The following DCC variants were observed in gnomAD, a reference collection of about 807,000 sequenced individuals.
DCC encodes DCC netrin 1 receptor.
A neutral mutation model predicts 172.5 loss-of-function variants in DCC; 58 were observed. The ratio of observed to expected loss-of-function variants is 0.34; its 90% CI spans 0.27 to 0.42. DCC has a LOEUF of 0.42. Among genes scored for constraint, DCC ranks in the 10% least tolerant of loss-of-function variants. The pLI, the probability that DCC is intolerant of heterozygous loss-of-function variation, is 1.00. For synonymous variants in DCC, 709 were observed against 644.5 expected (o/e 1.10, Z -1.52); for missense variants, 1,740 against 1,791.0 (o/e 0.97, Z 0.51).
At chr18:52,918,737 A>G (rs1414136995) in intron 3 of DCC, among the ~76,000 whole-genome samples, 1 of 152,152 alleles carries the variant, frequency 6.6e-6, no homozygotes, top group Non-Finnish European at 1.5e-5. Context: ...CTCATATTGT[A>G]AATAAAGGAG....
intron 1 of DCC, among the ~76,000 whole-genome samples, chr18:52,450,037 G>A (rs2144514138): frequency 6.6e-6 from 1 of 152,244 alleles, no homozygotes; most frequent in African/African-American, 2.4e-5. Context: ...TTTAACTGAA[G>A]GGTTAATTTA....
chr18:53,039,811 T>C (rs2143992136), intron 5 of DCC, among the ~76,000 whole-genome samples: 1 of 152,088 alleles, frequency 6.6e-6, no homozygotes, highest in East Asian at 1.9e-4. Context: ...TCCTTCATGT[T>C]TTAATGTAGT....
chr18:53,169,066 G>C (rs2054970779), intron 8 of DCC, among the ~76,000 whole-genome samples: 1 of 152,180 alleles, frequency 6.6e-6, no homozygotes, highest in African/African-American at 2.4e-5. Flanking sequence ...ACCAGTTCTA[G>C]GCACAGGAGA....
At chr18:53,062,713 T>C (rs4129439) in intron 5 of DCC, among the ~76,000 whole-genome samples, 49,552 of 151,990 alleles carry the variant, frequency 0.33, 8,984 homozygotes, top group Non-Finnish European at 0.42. Context: ...CATGCCATGC[T>C]GTGAAAATTA....
At chr18:53,231,441 T>C (rs931924561) in intron 12 of DCC, among the ~76,000 whole-genome samples, 3 of 152,054 alleles carry the variant, frequency 2.0e-5, no homozygotes, top group Admixed American at 6.6e-5. Context: ...ATGTGTAAAA[T>C]AGATAATAAA....
rs1292726340 is a variant in DCC at position 53,439,769 on chromosome 18, C to CT, written c.3229+4573dup. ...TATGTGGTGATGTAGTAGTATTTTT[C>CT]TTTTTTTTTTTTTGAGACGGAGTCT... On this transcript the variant is annotated intron_variant, in intron 22 of 28. Transcript: ENST00000442544. Among the ~76,000 whole-genome samples the CT allele has an allele frequency of 7.0e-3, 892 of 127,224 alleles. 19 individuals are homozygous for CT. Among genetic ancestry groups the CT allele is most frequent in the African/African-American group, 0.019 (726 of 37,530 alleles). The allele number at this position is 127,224 out of a possible 152,430, so 83.5% of individuals were successfully genotyped here. A position where few individuals can be genotyped will look rare whatever the true frequency, so the allele number is the denominator to read the frequency against.
intron 1 of DCC, among the ~76,000 whole-genome samples, chr18:52,598,387 A>T (rs56240824): frequency 0.02 from 3,010 of 152,288 alleles, 102 homozygotes; most frequent in East Asian, 0.089. Flanking sequence ...CAAAAAAGGA[A>T]TGAGGTAGGT....
intron 12 of DCC, among the ~76,000 whole-genome samples, chr18:53,293,669 T>G (rs1598991672): frequency 6.6e-6 from 1 of 152,110 alleles, no homozygotes; most frequent in African/African-American, 2.4e-5. Flanking sequence ...CCTCCCTTTT[T>G]GTGTCCAAGG....
chr18:52,693,563 G>C (rs1206172409), intron 1 of DCC, among the ~76,000 whole-genome samples: 4 of 151,466 alleles, frequency 2.6e-5, no homozygotes, highest in Non-Finnish European at 5.9e-5. Flanking sequence ...TGATGTTCCA[G>C]TAGCAACAAG....
intron 2 of DCC, among the ~76,000 whole-genome samples, chr18:52,856,218 C>T (rs913184873): frequency 2.6e-5 from 4 of 152,074 alleles, no homozygotes; most frequent in Admixed American, 6.6e-5. Flanking sequence ...AATTTAAATA[C>T]GTGTGTGTAT....
In DCC at chr18:53,431,419, A is replaced by G. The variant is rs570972843; in HGVS notation, c.3164-3725A>G. Among the ~76,000 whole-genome samples, 3 of 152,182 alleles carry G rather than the reference A, an allele frequency of 2.0e-5. No homozygotes were observed. The South Asian group carries it at 6.2e-4, about 32-fold the overall frequency. ...ATATGGGTACATAGTAATCCAATAC[A>G]GAATTCTTCTTTATATCCTGTAGAA... On this transcript the variant is annotated intron_variant, in intron 21 of 28. Transcript: ENST00000442544.
intron 1 of DCC, among the ~76,000 whole-genome samples, chr18:52,496,445 A>G (rs1230857370): frequency 2.0e-5 from 3 of 152,184 alleles, no homozygotes; most frequent in Non-Finnish European, 4.4e-5. Flanking sequence ...AAACATCAGA[A>G]AAGTTATTCA....
chr18:53,239,562 G>A (rs759965379), intron 12 of DCC, among the ~76,000 whole-genome samples: 3 of 152,144 alleles, frequency 2.0e-5, no homozygotes, highest in Admixed American at 6.6e-5. Context: ...CCAGAGAAAG[G>A]TGCACAGGGG....
At chr18:53,282,118 T>A (rs1457076214) in intron 12 of DCC, among the ~76,000 whole-genome samples, 1 of 152,202 alleles carries the variant, frequency 6.6e-6, no homozygotes, top group Non-Finnish European at 1.5e-5. Context: ...CATATGTAAT[T>A]CACATGAGGA....
chr18:52,423,305 T>A (rs149690797), intron 1 of DCC, among the ~76,000 whole-genome samples: 1 of 152,074 alleles, frequency 6.6e-6, no homozygotes, highest in Non-Finnish European at 1.5e-5. Context: ...GAGGTAGAGA[T>A]ATCTTCAAAC....
At chr18:53,395,236 G>A (rs1038844359) in intron 17 of DCC, among the ~76,000 whole-genome samples, 2 of 151,480 alleles carry the variant, frequency 1.3e-5, no homozygotes, top group Non-Finnish European at 2.9e-5. Context: ...TTGCTCCAAA[G>A]TATTTCTAGG....
At chr18:53,090,479 G>T (rs949628698) in intron 7 of DCC, among the ~76,000 whole-genome samples, 1 of 151,432 alleles carries the variant, frequency 6.6e-6, no homozygotes, top group African/African-American at 2.4e-5. Context: ...GGATCACGAG[G>T]TCAGGAGATT....
At chr18:53,081,932 C>G (rs761002137) in intron 7 of DCC, among the ~76,000 whole-genome samples, 1 of 152,068 alleles carries the variant, frequency 6.6e-6, no homozygotes, top group Non-Finnish European at 1.5e-5. Flanking sequence ...GGTTTTACCT[C>G]TTAAAAGCTA....
Position 53,410,452 on chromosome 18 carries a change from C to G in DCC, c.2936C>G (p.Ala979Gly), listed in dbSNP as rs762312720. The G allele has an allele frequency of 1.3e-6, 2 of 1,596,098 alleles. No individual in the cohort carries two copies. The highest frequency in any genetic ancestry group is 2.7e-5 in the African/African-American group (2 of 74,662). ...PPLEANGKIT[A>G]YILFYTLDKN... ...AAGTCACATTTGTCTATTTATGCAG[C>G]TTACATCTTATTTTATACCTTGGAC... Residue 979 changes from alanine (A) to glycine (G), a missense_variant and splice_region_variant, in exon 20 of 29, where the codon GCT becomes GGT. This residue lies in a region of DCC where 1,732 missense variants were observed against 1,767.4 expected (regional missense o/e 0.98). Transcript: ENST00000442544.
Sources: allele counts gnomAD v4.1 joint callset (sites outside exome capture counted in the v4.1 genomes callset), GRCh38; gene constraint gnomAD v4.1.1; regional missense constraint gnomAD v4.1.1; transcripts MANE v1.5; gene names NCBI Gene and HGNC (gene_info 2026-07-23, HGNC 2026-07-21).